Variants in ZNF644 observed in about 807,000 individuals in gnomAD.
ZNF644 encodes zinc finger protein 644, also known as zinc finger motif enhancer binding protein 2.
Under a neutral mutation model 108.0 loss-of-function variants are expected in ZNF644, and 20 were observed. The ratio of observed to expected loss-of-function variants is 0.19; its 90% CI spans 0.13 to 0.27. The LOEUF is 0.27. Ranked by LOEUF, ZNF644 falls within the 10% of genes least tolerant of loss-of-function variation. ZNF644 has a pLI of 1.00. For synonymous variants in ZNF644, 542 were observed against 539.1 expected (o/e 1.01, Z -0.08); for missense variants, 1,338 against 1,548.9 (o/e 0.86, Z 2.29).
At chr1:91,019,470 C>A (rs1050742323) in intron 1 of ZNF644, among the ~76,000 whole-genome samples, 1 of 152,184 alleles carries the variant, frequency 6.6e-6, no homozygotes, top group African/African-American at 2.4e-5. Flanking sequence ...AATTCAAAAG[C>A]AACATTGCTC....
chr1:90,985,834 T>A (rs539980783), intron 1 of ZNF644, among the ~76,000 whole-genome samples: 1 of 152,178 alleles, frequency 6.6e-6, no homozygotes, highest in African/African-American at 2.4e-5. Context: ...GGGACTGCTA[T>A]ATCATATGGT....
chr1:91,004,606 G>A (rs1405795516), intron 1 of ZNF644, among the ~76,000 whole-genome samples: 1 of 151,994 alleles, frequency 6.6e-6, no homozygotes, highest in African/African-American at 2.4e-5. Context: ...AAATATAAAA[G>A]ACAGTATAAC....
chr1:91,005,068 C>T (rs999362874), intron 1 of ZNF644, among the ~76,000 whole-genome samples: 4 of 151,864 alleles, frequency 2.6e-5, no homozygotes, highest in Admixed American at 2.6e-4. Context: ...AAACATAATC[C>T]AACTATAACT....
In ZNF644 at chr1:90,923,306, G is replaced by C. The variant is rs967535582; in HGVS notation, c.3689-5152C>G. Among the ~76,000 whole-genome samples the C allele has an allele frequency of 3.3e-5, 5 of 152,022 alleles. No individual in the cohort carries two copies. In the South Asian group the frequency reaches 6.2e-4, roughly 19 times the overall value. The stretch of plus-strand genomic sequence containing the variant: ...AGTATCTACTATCATAAATGAGAAA[G>C]GCTGCATTCAGTTCCACCCCTCAAT... On this transcript the variant is annotated intron_variant, in intron 4 of 5. Transcript: ENST00000337393.
chr1:90,944,744 A>G (rs916466816), intron 2 of ZNF644, among the ~76,000 whole-genome samples: 2 of 152,202 alleles, frequency 1.3e-5, no homozygotes, highest in Non-Finnish European at 2.9e-5. Context: ...TGCATTTACT[A>G]CAAGTAGATT....
chr1:90,982,570 GCTT>G (rs1656661125), intron 1 of ZNF644, among the ~76,000 whole-genome samples, 200 bp from the exon 2 acceptor site: 1 of 151,728 alleles, frequency 6.6e-6, no homozygotes, highest in Non-Finnish European at 1.5e-5. Context: ...CAACCTCACT[GCTT>G]TTTTTGAGAA....
At chr1:90,919,970 T>C (rs1649242249) in intron 4 of ZNF644, among the ~76,000 whole-genome samples, 1 of 152,190 alleles carries the variant, frequency 6.6e-6, no homozygotes, top group Non-Finnish European at 1.5e-5. Context: ...GTACAGAAAC[T>C]AGGTTATTCA....
intron 1 of ZNF644, among the ~76,000 whole-genome samples, chr1:91,001,229 C>CA (rs556802931): frequency 0.021 from 3,222 of 151,926 alleles, 47 homozygotes; most frequent in Middle Eastern, 0.054. Flanking sequence ...AGAGACACAA[C>CA]AAAAAAAGAG....
At chr1:90,995,304 G>A (rs1658045954) in intron 1 of ZNF644, among the ~76,000 whole-genome samples, 1 of 151,974 alleles carries the variant, frequency 6.6e-6, no homozygotes, top group African/African-American at 2.4e-5. Context: ...AGAAAGAATT[G>A]GTGAGTTTGA....
intron 2 of ZNF644, among the ~76,000 whole-genome samples, chr1:90,948,822 G>A (rs887857706): frequency 2.6e-5 from 4 of 152,112 alleles, no homozygotes; most frequent in South Asian, 4.1e-4. Flanking sequence ...GGAACATAAC[G>A]AATGTATACT....
chr1:90,945,067 T>C (rs1250365866), intron 2 of ZNF644, among the ~76,000 whole-genome samples: 2 of 152,148 alleles, frequency 1.3e-5, no homozygotes, highest in Non-Finnish European at 2.9e-5. Context: ...TAGTCAAATG[T>C]ATATATAACA....
chr1:90,925,170 G>T (rs1339296662), intron 4 of ZNF644, among the ~76,000 whole-genome samples: 1 of 152,140 alleles, frequency 6.6e-6, no homozygotes, highest in African/African-American at 2.4e-5. Context: ...ACTGGAGTAG[G>T]GGACTTCAGT....
At chr1:90,953,870 C>A (rs866258428) in intron 2 of ZNF644, among the ~76,000 whole-genome samples, 1 of 151,948 alleles carries the variant, frequency 6.6e-6, no homozygotes, top group African/African-American at 2.4e-5. Context: ...GAGCTGAGAT[C>A]GCGCCACTAC....
chr1:90,983,506 A>G (rs761373808), intron 1 of ZNF644, among the ~76,000 whole-genome samples: 1 of 151,218 alleles, frequency 6.6e-6, no homozygotes, highest in Non-Finnish European at 1.5e-5. Context: ...AAAAAAGAAG[A>G]AGTCTTTGTA....
At chr1:91,014,136 T>C (rs1044716747) in intron 1 of ZNF644, among the ~76,000 whole-genome samples, 2 of 152,168 alleles carry the variant, frequency 1.3e-5, no homozygotes, top group African/African-American at 4.8e-5. Context: ...TATGCAATGG[T>C]TAAATCTAGC....
intron 1 of ZNF644, among the ~76,000 whole-genome samples, chr1:91,009,813 T>C (rs1659778906): frequency 6.6e-6 from 1 of 152,210 alleles, no homozygotes; most frequent in Admixed American, 6.5e-5. Context: ...CCTCAATTAG[T>C]GCTAGTAAGT....
rs544249349 is a variant in ZNF644, at chr1:91,019,706, GACT to G, written c.-18+2281_-18+2283del. Among the ~76,000 whole-genome samples, 153 of 152,248 alleles carry G rather than the reference GACT, an allele frequency of 1.0e-3. 1 individual carries two copies. The highest frequency in any genetic ancestry group is 3.6e-3 in the African/African-American group (150 of 41,552). ...CTGCCTCAGCCTCCCGAGTAGGTGG[GACT>G]ATAGGCACCACCACGCCCAGGAAAT... On this transcript the variant is annotated intron_variant, in intron 1 of 5. Transcript: ENST00000337393.
chr1:90,975,954 C>T (rs1253232789), intron 2 of ZNF644, among the ~76,000 whole-genome samples: 1 of 151,850 alleles, frequency 6.6e-6, no homozygotes. Flanking sequence ...TTGGTGTATT[C>T]AAAAAAATTA....
intron 1 of ZNF644, among the ~76,000 whole-genome samples, chr1:91,007,288 C>A (rs1178809705): frequency 1.6e-5 from 2 of 122,704 alleles, no homozygotes; most frequent in East Asian, 5.3e-4. Flanking sequence ...CAGGCTGGAG[C>A]ACAGTAGCGC....
Sources: gnomAD v4.1 joint callset for allele counts (sites outside exome capture counted in the v4.1 genomes callset) on GRCh38, gnomAD v4.1.1 for gene constraint, MANE v1.5 for transcripts, NCBI Gene and HGNC (gene_info 2026-07-23, HGNC 2026-07-21) for gene names.